Variants in DMTF1 observed in about 807,000 individuals in gnomAD.
The protein encoded by DMTF1 is cyclin D binding myb like transcription factor 1.
A neutral mutation model predicts 91.1 loss-of-function variants in DMTF1; 39 were observed. The observed-to-expected ratio is 0.43, with a 90% CI of 0.33 to 0.56. The LOEUF (loss-of-function observed/expected upper bound fraction) is 0.56. Ranked by LOEUF, DMTF1 falls within the 20% of genes least tolerant of loss-of-function variation. The pLI, the probability that DMTF1 is intolerant of heterozygous loss-of-function variation, is 0.05. For synonymous variants in DMTF1, 338 were observed against 309.5 expected, an observed-to-expected ratio of 1.09 and a Z score of -0.97; for missense variants, 750 against 914.5, an observed-to-expected ratio of 0.82 and a Z score of 2.32.
chr7:87,190,625 C>T (rs563111204), intron 13 of DMTF1, among the ~76,000 whole-genome samples: 2 of 152,200 alleles, frequency 1.3e-5, no homozygotes, highest in South Asian at 2.1e-4. Context: ...AGGTACTCAA[C>T]TCTGTTGTAG....
intron 7 of DMTF1, 78 bp downstream of exon 7, chr7:87,174,747 G>A: frequency 1.1e-6 from 1 of 921,768 alleles, no homozygotes; most frequent in Non-Finnish European, 1.7e-6. Context: ...AATGTTGTGT[G>A]CACTTATTAG....
At position 87,193,339 on chromosome 7, in the gene DMTF1, G is replaced by T; in HGVS notation, c.1636G>T (p.Val546Phe). 1 of 1,613,096 alleles carries T rather than the reference G, an allele frequency of 6.2e-7. No individual in the cohort carries two copies. The stretch of plus-strand genomic sequence containing the variant: ...TCCTGCTTCTCCTGAACAGATTATT[G>T]TTCATGCTTTATCCGTATGTTACAT... The part of the protein sequence containing the change: ...AAPASPEQII[V>F]HALSPEHLLN... Residue 546 changes from valine (V) to phenylalanine (F), a missense_variant, in exon 15 of 18, where the codon GTT becomes TTT. By Grantham distance (50) the Val-to-Phe change is conservative. This residue lies in a region of DMTF1 where 410 missense variants were observed against 420.2 expected (regional missense o/e 0.98). Coordinates refer to ENST00000331242, the MANE Select transcript of DMTF1 (RefSeq NM_001142327.2).
intron 5 of DMTF1, among the ~76,000 whole-genome samples, chr7:87,172,276 T>G (rs1014943991): frequency 7.9e-5 from 12 of 152,180 alleles, no homozygotes; most frequent in African/African-American, 2.9e-4. Flanking sequence ...CCTCTTGATT[T>G]AAAAAATCAA....
intron 9 of DMTF1, chr7:87,181,923 C>A: frequency 1.0e-6 from 1 of 986,370 alleles, no homozygotes; most frequent in Non-Finnish European, 1.4e-6. Flanking sequence ...AAGGGAAAGT[C>A]TGGGGCTTGC....
rs1208637201 is a variant in DMTF1 at position 87,164,982 on chromosome 7, A to C, written c.41A>C (p.Glu14Ala). Residue 14 changes from glutamate to alanine, a missense_variant, in exon 3 of 18, where the codon GAA becomes GCA. Physicochemically the swap from Glu to Ala is moderately radical, Grantham distance 107 (BLOSUM62 -1). Transcript: ENST00000331242. ...GAGGATTCTGACACAGTAACAGTAG[A>C]AACTGTGAACTCTGTGACTTTGACT... ...VEEDSDTVTV[E>A]TVNSVTLTQD... 1.9e-6 allele frequency: 3 copies of C among 1,610,012 alleles called. No individual in the cohort carries two copies. The highest frequency in any genetic ancestry group is 2.5e-6 in the Non-Finnish European group (3 of 1,178,056).
At position 87,163,869 on chromosome 7, in the gene DMTF1, C is replaced by G. The variant is rs186739661; in HGVS notation, c.-9+252C>G. Among the ~76,000 whole-genome samples the G allele has an allele frequency of 3.7e-3, 557 of 151,996 alleles. 3 individuals carry two copies. The highest frequency in any genetic ancestry group is 0.024 in the Middle Eastern group (7 of 294). ...CTTCAGTGGTAAATATATGAATGGA[C>G]TAATATCTTGTGTATAGGAGCCAGA... On this transcript the variant is annotated intron_variant, in intron 2 of 17. Transcript: ENST00000331242.
At chr7:87,177,886 C>T (rs775360369) in intron 7 of DMTF1, among the ~76,000 whole-genome samples, 4 of 151,948 alleles carry the variant, frequency 2.6e-5, no homozygotes, top group Non-Finnish European at 5.9e-5. Context: ...TTTGTTGATA[C>T]TTGCACCAGT....
chr7:87,165,656 A>G (rs1212542851), intron 3 of DMTF1, among the ~76,000 whole-genome samples: 2 of 152,246 alleles, frequency 1.3e-5, no homozygotes, highest in East Asian at 3.8e-4. Context: ...GTCTTTATAC[A>G]GAATTCTCTG....
intron 4 of DMTF1, among the ~76,000 whole-genome samples, chr7:87,167,888 C>T (rs7357206): frequency 2.0e-5 from 3 of 152,108 alleles, no homozygotes; most frequent in South Asian, 2.1e-4. Context: ...TTTTGAGTGG[C>T]TATTTTGATA....
chr7:87,191,399 T>A (rs2129188025), intron 14 of DMTF1, among the ~76,000 whole-genome samples: 1 of 152,220 alleles, frequency 6.6e-6, no homozygotes, highest in South Asian at 2.1e-4. Context: ...AATGTAACAG[T>A]CCCAGTGCTA....
chr7:87,158,067 A>G (rs1473306006), intron 1 of DMTF1, among the ~76,000 whole-genome samples: 1 of 152,110 alleles, frequency 6.6e-6, no homozygotes, highest in Admixed American at 6.5e-5. Flanking sequence ...GTAGTCATAA[A>G]TAAAACTATC....
intron 15 of DMTF1, 111 bp from the exon 16 acceptor site, chr7:87,193,614 T>G: frequency 5.5e-6 from 6 of 1,089,204 alleles, no homozygotes; most frequent in Non-Finnish European, 7.9e-6. Flanking sequence ...AGAAAAATAG[T>G]GATAAAAGTA....
chr7:87,185,109 A>T (rs1483412906), intron 11 of DMTF1: 1 of 247,078 alleles, frequency 4.0e-6, no homozygotes, highest in Non-Finnish European at 8.2e-6. Context: ...TTTCATACAA[A>T]TTCAAAAAAG....
In DMTF1 at chr7:87,193,207, C is replaced by T. The variant is rs781229386; in HGVS notation, c.1504C>T (p.Leu502=). The T allele has an allele frequency of 5.0e-6, 8 of 1,612,978 alleles. No individual in the cohort carries two copies. In the South Asian group the frequency reaches 8.8e-5, roughly 18 times the overall value. ...TTCCTTTTTCCTTTAGTCTTTCCATCTACAGCCCACTGGCACTCCAGGCAC... is the reference window on the plus strand; with the variant it reads ...TTCCTTTTTCCTTTAGTCTTTCCATTTACAGCCCACTGGCACTCCAGGCAC... ...QTFEILPSFH[L]QPTGTPGTYL... The change falls in exon 15 of 18, where the codon CTA becomes TTA. Residue 502 remains leucine (L), a synonymous_variant. Transcript: ENST00000331242.
chr7:87,171,636 C>T (rs995545472), intron 5 of DMTF1, among the ~76,000 whole-genome samples: 4 of 152,078 alleles, frequency 2.6e-5, no homozygotes, highest in African/African-American at 9.6e-5. Context: ...ATTTCTAAGC[C>T]TTATATATAC....
intron 1 of DMTF1, among the ~76,000 whole-genome samples, chr7:87,153,446 T>A (rs929334558): frequency 3.3e-5 from 5 of 152,184 alleles, no homozygotes; most frequent in African/African-American, 1.2e-4. Context: ...AGAGCAGATT[T>A]GAGAGTAGAA....
chr7:87,185,880 A>C lies in DMTF1; in HGVS notation c.1101A>C (p.Leu367Phe). The change falls in exon 12 of 18, where the codon TTA becomes TTC. Residue 367 changes from leucine to phenylalanine, a missense_variant. By Grantham distance (22) the Leu-to-Phe change is conservative. Around this residue, in one of 3 missense-constraint regions of DMTF1, gnomAD observed 190 missense variants for 343.8 expected, o/e 0.55. Transcript: ENST00000331242. The part of the protein sequence containing the change: ...ADENDINWDL[L>F]AEGWSSVRSP... Reference sequence around the variant, plus strand: ...AAAATGACATTAACTGGGATCTGTTAGCTGAGGGATGGAGTAGTGTCCGTT... The same window carrying C: ...AAAATGACATTAACTGGGATCTGTTCGCTGAGGGATGGAGTAGTGTCCGTT... The C allele has an allele frequency of 6.2e-7, 1 of 1,613,974 alleles. No individual in the cohort carries two copies. Among genetic ancestry groups the C allele is most frequent in the Non-Finnish European group, 8.5e-7 (1 of 1,179,876 alleles).
At chr7:87,159,271 A>T (rs534714999) in intron 1 of DMTF1, among the ~76,000 whole-genome samples, 199 of 152,320 alleles carry the variant, frequency 1.3e-3, no homozygotes, top group Non-Finnish European at 1.4e-3. Context: ...AGGGCTGTTA[A>T]AATTTAAACA....
At position 87,174,569 on chromosome 7, in the gene DMTF1, A is replaced by G. The variant is rs758023617; in HGVS notation, c.443-24A>G. The G allele has an allele frequency of 3.3e-6, 5 of 1,499,806 alleles. No individual in the cohort carries two copies. In the South Asian group the frequency reaches 3.6e-5, roughly 11 times the overall value. 92.9% of individuals were successfully genotyped at this position (1,499,806 alleles called of 1,614,324 possible). A position where few individuals can be genotyped will look rare whatever the true frequency, so the allele number is the denominator to read the frequency against. On this transcript the variant is annotated intron_variant, in intron 6 of 17. Transcript: ENST00000331242. ...TCTTTCAAGGAGTAACATTTTTTAT[A>G]ACATTACTTGTTTTCTTTTAAAGGA...
Sources: allele counts gnomAD v4.1 joint callset (sites outside exome capture counted in the v4.1 genomes callset), GRCh38; gene constraint gnomAD v4.1.1; regional missense constraint gnomAD v4.1.1; transcripts MANE v1.5; gene names NCBI Gene and HGNC (gene_info 2026-07-23, HGNC 2026-07-21).